The following CACNA1C variants were observed in gnomAD, a reference collection of about 807,000 sequenced individuals.
CACNA1C encodes calcium voltage-gated channel subunit alpha1 C.
CACNA1C carries 30 observed loss-of-function variants against 229.0 expected under a neutral mutation model. That is an observed-to-expected ratio of 0.13 (90% CI 0.10 to 0.18). The LOEUF (loss-of-function observed/expected upper bound fraction) is 0.18. Among genes scored for constraint, CACNA1C ranks in the 10% least tolerant of loss-of-function variants. CACNA1C has a pLI of 1.00. For synonymous variants in CACNA1C, 1,114 were observed against 1,132.5 expected (o/e 0.98, Z 0.33); for missense variants, 1,658 against 2,845.0 (o/e 0.58, Z 9.49).
intron 1 of CACNA1C, among the ~76,000 whole-genome samples, chr12:2,033,815 C>T (rs892548221): frequency 2.6e-5 from 4 of 152,180 alleles, no homozygotes; most frequent in Admixed American, 6.5e-5. Flanking sequence ...ATGTAGGCAC[C>T]GTGAATAGAT....
At chr12:2,032,822 C>A (rs1039486255) in intron 1 of CACNA1C, among the ~76,000 whole-genome samples, 1 of 152,188 alleles carries the variant, frequency 6.6e-6, no homozygotes, top group Non-Finnish European at 1.5e-5. Flanking sequence ...AACATGAATG[C>A]GGCTTTTCAA....
At chr12:2,443,956 A>G (rs1002376783) in intron 3 of CACNA1C, among the ~76,000 whole-genome samples, 1 of 152,172 alleles carries the variant, frequency 6.6e-6, no homozygotes, top group African/African-American at 2.4e-5. Context: ...ACATTTAGTC[A>G]GCACACGCAC....
intron 3 of CACNA1C, among the ~76,000 whole-genome samples, chr12:2,222,802 T>C (rs1390424586): frequency 2.0e-5 from 3 of 152,214 alleles, no homozygotes; most frequent in Non-Finnish European, 4.4e-5. Flanking sequence ...ACTGGAAAAC[T>C]GTAAGTGAAA....
At chr12:2,396,781 T>C (rs2098591820) in intron 3 of CACNA1C, among the ~76,000 whole-genome samples, 1 of 152,236 alleles carries the variant, frequency 6.6e-6, no homozygotes, top group Admixed American at 6.5e-5. Flanking sequence ...TCTAAAGGCA[T>C]GGGGCCAAGC....
rs116329130 is a variant in CACNA1C at position 2,689,246 on chromosome 12, C to A, written c.6117+467C>A. On this transcript the variant is annotated intron_variant, in intron 46 of 46. Transcript: ENST00000399655. The surrounding 1 kb of genome is among the most constrained non-coding windows in gnomAD (Gnocchi z 4.2). ...GCCTAGAACAAGCGAGCTTTCAGTCCCACTGTGCTCTGCCTGGTCAGAGCA... is the reference window on the plus strand; with the variant it reads ...GCCTAGAACAAGCGAGCTTTCAGTCACACTGTGCTCTGCCTGGTCAGAGCA... 1.1e-3 allele frequency among the ~76,000 whole-genome samples: 170 copies of A among 152,240 alleles called. No individual in the cohort carries two copies. Among genetic ancestry groups the A allele is most frequent in the African/African-American group, 3.8e-3 (158 of 41,548 alleles).
At chr12:2,462,844 G>A (rs898440212) in intron 5 of CACNA1C, among the ~76,000 whole-genome samples, 5 of 152,006 alleles carry the variant, frequency 3.3e-5, no homozygotes, top group African/African-American at 1.2e-4. Context: ...ACAACAAATA[G>A]GTTCATTGGG....
At chr12:2,106,975 G>T (rs1409132883) in intron 1 of CACNA1C, among the ~76,000 whole-genome samples, 6 of 106,280 alleles carry the variant, frequency 5.6e-5, no homozygotes, top group African/African-American at 1.7e-4. Context: ...CCCGGGGAGG[G>T]TTTCCACCTC....
Position 2,651,814 on chromosome 12 carries a change from CGCGT to C in CACNA1C, c.4074+48_4074+51del, listed in dbSNP as rs2095017221. 6.8e-7 allele frequency: 1 copy of C among 1,477,008 alleles called. No homozygotes were observed. The highest frequency in any genetic ancestry group is 1.9e-5 in the Admixed American group (1 of 53,742). The allele number at this position is 1,477,008 out of a possible 1,614,324, so 91.5% of individuals were successfully genotyped here. Reference sequence around the variant, plus strand: ...GCGGCCCGGGGAATCGCAGGGCTGCCGCGTGGCCCAGAACACAGCTGACACAAGG... The same window carrying C: ...GCGGCCCGGGGAATCGCAGGGCTGCCGGCCCAGAACACAGCTGACACAAGG... On this transcript the variant is annotated intron_variant, in intron 32 of 46. Transcript: ENST00000399655. The surrounding 1 kb of genome is among the most constrained non-coding windows in gnomAD (Gnocchi z 5.4).
intron 3 of CACNA1C, among the ~76,000 whole-genome samples, chr12:2,214,110 G>A (rs2059379477): frequency 6.6e-6 from 1 of 152,204 alleles, no homozygotes; most frequent in South Asian, 2.1e-4. Context: ...GTCCCTCAAG[G>A]GTGCCTTTGC....
intron 21 of CACNA1C, among the ~76,000 whole-genome samples, chr12:2,598,465 G>C (rs187332971): frequency 1.3e-5 from 2 of 152,222 alleles, no homozygotes; most frequent in African/African-American, 4.8e-5. Flanking sequence ...CTCAGGGAAC[G>C]TGTGCTCCTC....
intron 3 of CACNA1C, among the ~76,000 whole-genome samples, chr12:2,143,283 A>G: frequency 6.6e-6 from 1 of 151,200 alleles, no homozygotes; most frequent in African/African-American, 2.4e-5. Context: ...AATCTTTAAA[A>G]TAAATGTAGT....
At chr12:2,028,965 G>A (rs556790781) in intron 1 of CACNA1C, among the ~76,000 whole-genome samples, 52 of 152,230 alleles carry the variant, frequency 3.4e-4, no homozygotes, top group Non-Finnish European at 6.9e-4. Flanking sequence ...TGTGTTTGGC[G>A]CTGAGGATGA....
At chr12:2,421,561 C>T (rs1172821515) in intron 3 of CACNA1C, among the ~76,000 whole-genome samples, 1 of 152,158 alleles carries the variant, frequency 6.6e-6, no homozygotes, top group Non-Finnish European at 1.5e-5. Context: ...ACAACATAAG[C>T]GTTCTGTCAG....
At chr12:2,617,841 G>A (rs2081383259) in intron 29 of CACNA1C, among the ~76,000 whole-genome samples, 1 of 152,216 alleles carries the variant, frequency 6.6e-6, no homozygotes, top group East Asian at 1.9e-4. Flanking sequence ...GGAGGTGGGT[G>A]CATGGGGAAG....
Position 2,067,482 on chromosome 12 carries a change from G to GTGTGCA in CACNA1C, c.49+13871_49+13872insTGTGCA, listed in dbSNP as rs1555107491. Among the ~76,000 whole-genome samples the GTGTGCA allele has an allele frequency of 4.6e-3, 79 of 17,360 alleles. No individual in the cohort carries two copies. The highest frequency in any genetic ancestry group is 5.9e-3 in the African/African-American group (76 of 12,870). The allele number at this position is 17,360 out of a possible 152,430, so 11.4% of individuals were successfully genotyped here. A position where few individuals can be genotyped will look rare whatever the true frequency, so the allele number is the denominator to read the frequency against. On this transcript the variant is annotated intron_variant, in intron 1 of 46. Transcript: ENST00000399655. The surrounding 1 kb of genome is among the most constrained non-coding windows in gnomAD (Gnocchi z 5.3). The stretch of plus-strand genomic sequence containing the variant: ...TGTGTGTGTGTGTGTGTGTGTGTGT[G>GTGTGCA]CGCGCGTGTGCGTGCCTGTATGTAA...
intron 3 of CACNA1C, among the ~76,000 whole-genome samples, chr12:2,431,958 C>G (rs1860103): frequency 2.0e-5 from 3 of 152,150 alleles, no homozygotes; most frequent in Non-Finnish European, 4.4e-5. Context: ...CAGCCCAACC[C>G]TGCCAAGGTC....
intron 3 of CACNA1C, among the ~76,000 whole-genome samples, chr12:2,414,401 C>T (rs2098842255): frequency 1.3e-5 from 2 of 152,164 alleles, no homozygotes; most frequent in Non-Finnish European, 2.9e-5. Context: ...CGTACATAAG[C>T]CATGAGGCAG....
intron 1 of CACNA1C, chr12:2,004,516 A>G (rs188840962): frequency 1.2e-4 from 175 of 1,510,606 alleles, no homozygotes; most frequent in Admixed American, 3.7e-4. Context: ...CTCGCAACCG[A>G]GAACCCACGG....
chr12:2,661,952 G>T lies in CACNA1C; in HGVS notation c.4233-2873G>T, dbSNP rs1449616838. The stretch of plus-strand genomic sequence containing the variant: ...TTGTAACTCTTACCCAATAAAATAA[G>T]ACAGGAAAGGCCGGGCGCAGTGGCT... On this transcript the variant is annotated intron_variant, in intron 34 of 46. Transcript: ENST00000399655. Among the ~76,000 whole-genome samples, 4 of 152,218 alleles carry T rather than the reference G, an allele frequency of 2.6e-5. No homozygotes were observed. In the East Asian group the frequency reaches 7.7e-4, roughly 29 times the overall value.
Sources: gnomAD v4.1 joint callset for allele counts (sites outside exome capture counted in the v4.1 genomes callset) on GRCh38, gnomAD v4.1.1 for gene constraint, Gnocchi (gnomAD v3.1) non-coding constraint, MANE v1.5 for transcripts, NCBI Gene and HGNC (gene_info 2026-07-23, HGNC 2026-07-21) for gene names.